Variants in RNLS observed in about 807,000 individuals in gnomAD.
The protein encoded by RNLS is renalase, FAD dependent amine oxidase.
RNLS carries 39 observed loss-of-function variants against 39.8 expected under a neutral mutation model. That is an observed-to-expected ratio of 0.98 (90% CI 0.76 to 1.28). The LOEUF (loss-of-function observed/expected upper bound fraction) is 1.28, where lower values mean the gene tolerates loss of function less well. Among genes scored for constraint, RNLS ranks in the 50% most tolerant of loss-of-function variants. RNLS has a pLI of 0.00. For missense variants in RNLS, 410 were observed against 413.3 expected (o/e 0.99, Z 0.07); for synonymous variants, 147 against 150.7 (o/e 0.98, Z 0.18).
At position 88,554,320 on chromosome 10, in the gene RNLS, T is replaced by G. The variant is rs187400839; in HGVS notation, c.526+18583A>C. ...TTACATGTATGCAGCGTAAATAGCA[T>G]TAACTAACTTTTTGATTCATTTATT... On this transcript the variant is annotated intron_variant, in intron 4 of 6. Transcript: ENST00000331772. 2.0e-5 allele frequency among the ~76,000 whole-genome samples: 3 copies of G among 152,282 alleles called. No homozygotes were observed. In the East Asian group the frequency reaches 5.8e-4, roughly 29 times the overall value.
chr10:88,394,900 G>A (rs1852454415), intron 4 of RNLS, among the ~76,000 whole-genome samples: 1 of 152,126 alleles, frequency 6.6e-6, no homozygotes, highest in African/African-American at 2.4e-5. Context: ...GTAGGGACAT[G>A]GATGAAACTG....
intron 6 of RNLS, among the ~76,000 whole-genome samples, chr10:88,293,540 T>C (rs1243573739): frequency 6.6e-6 from 1 of 152,208 alleles, no homozygotes; most frequent in Admixed American, 6.5e-5. Context: ...TATGTATAAA[T>C]CTGTTATGAG....
chr10:88,299,969 T>C (rs1213102636), intron 6 of RNLS, among the ~76,000 whole-genome samples: 1 of 152,222 alleles, frequency 6.6e-6, no homozygotes, highest in African/African-American at 2.4e-5. Context: ...TTAACTATGA[T>C]TATTTCTAGC....
At chr10:88,337,589 C>A (rs1193861378) in intron 5 of RNLS, among the ~76,000 whole-genome samples, 2 of 152,178 alleles carry the variant, frequency 1.3e-5, no homozygotes, top group Admixed American at 1.3e-4. Flanking sequence ...TCATACTTGG[C>A]ATTGAAATCC....
intron 4 of RNLS, among the ~76,000 whole-genome samples, chr10:88,407,037 G>C (rs1222188669): frequency 6.6e-6 from 1 of 152,010 alleles, no homozygotes; most frequent in East Asian, 1.9e-4. Flanking sequence ...ATGGACTTTG[G>C]GGACTTGGGG....
chr10:88,396,657 T>G (rs1407511290), intron 4 of RNLS, among the ~76,000 whole-genome samples: 1 of 150,244 alleles, frequency 6.7e-6, no homozygotes, highest in African/African-American at 2.4e-5. Context: ...TTACATTAAA[T>G]GTAAATTAAT....
Position 88,499,120 on chromosome 10 carries a change from G to A in RNLS, c.526+73783C>T, listed in dbSNP as rs561397305. ...TCCTTAGTCTTAGAAGATCAGTGCCGAAGTGATTAAAAGTGTTATGCACAT... is the reference window on the plus strand; with the variant it reads ...TCCTTAGTCTTAGAAGATCAGTGCCAAAGTGATTAAAAGTGTTATGCACAT... On this transcript the variant is annotated intron_variant, in intron 4 of 6. Coordinates refer to ENST00000331772, the MANE Select transcript of RNLS (RefSeq NM_001031709.3). Among the ~76,000 whole-genome samples the A allele has an allele frequency of 8.5e-5, 13 of 152,278 alleles. No individual in the cohort carries two copies. In the South Asian group the frequency reaches 2.3e-3, roughly 27 times the overall value.
the RNLS span, among the ~76,000 whole-genome samples, chr10:88,200,944 G>C: frequency 6.6e-6 from 1 of 151,852 alleles, no homozygotes; most frequent in African/African-American, 2.4e-5. Context: ...AAACAGCCAA[G>C]GACTTAGCAT....
At position 88,500,489 on chromosome 10, in the gene RNLS, T is replaced by C. The variant is rs746807566; in HGVS notation, c.526+72414A>G. On this transcript the variant is annotated intron_variant, in intron 4 of 6. Coordinates refer to ENST00000331772, the MANE Select transcript of RNLS (RefSeq NM_001031709.3). The stretch of plus-strand genomic sequence containing the variant: ...AACACGTGATGGGGTTGTGAACGTT[T>C]CTCTAATTGCCTGGATTTTTTAGTT... Among the ~76,000 whole-genome samples the C allele has an allele frequency of 2.2e-4, 33 of 152,158 alleles. 1 individual carries two copies. Among genetic ancestry groups the C allele is most frequent in the Non-Finnish European group, 7.4e-5 (5 of 68,006 alleles).
chr10:88,427,331 A>C (rs1438413496), intron 4 of RNLS, among the ~76,000 whole-genome samples: 1 of 152,006 alleles, frequency 6.6e-6, no homozygotes, highest in South Asian at 2.1e-4. Context: ...TATTTCTTTG[A>C]CAGGGTGGCT....
chr10:88,361,664 C>T (rs1238562102), intron 5 of RNLS, among the ~76,000 whole-genome samples: 1 of 152,122 alleles, frequency 6.6e-6, no homozygotes, highest in African/African-American at 2.4e-5. Context: ...AACCATACTC[C>T]AGCCCAGTTC....
At chr10:88,274,163 T>A (rs1405503632) in exon 7 of RNLS, 1 of 152,210 alleles carries the variant, frequency 6.6e-6, no homozygotes, top group Admixed American at 6.5e-5. Flanking sequence ...GTATAAGAAA[T>A]ATCAACTTCT....
the RNLS span, among the ~76,000 whole-genome samples, chr10:88,205,041 C>T: frequency 2.0e-5 from 3 of 152,096 alleles, no homozygotes; most frequent in Non-Finnish European, 4.4e-5. Context: ...CTTGCTCAAG[C>T]GCAGTTGAAT....
chr10:88,244,496 G>C, the RNLS span, among the ~76,000 whole-genome samples: 1 of 152,200 alleles, frequency 6.6e-6, no homozygotes, highest in African/African-American at 2.4e-5. Flanking sequence ...TTTCCTTCCA[G>C]CCATTGTTTT....
chr10:88,239,382 G>A, the RNLS span, among the ~76,000 whole-genome samples: 4 of 152,150 alleles, frequency 2.6e-5, no homozygotes, highest in Admixed American at 2.0e-4. Context: ...CCTCTGATTT[G>A]AGCTTGGTCA....
intron 4 of RNLS, among the ~76,000 whole-genome samples, chr10:88,492,303 AG>A (rs1844931714): frequency 6.6e-6 from 1 of 152,174 alleles, no homozygotes; most frequent in Non-Finnish European, 1.5e-5. Flanking sequence ...AAGAAACATC[AG>A]AAAAAGTCCA....
chr10:88,435,750 T>G (rs1457944722), intron 4 of RNLS, among the ~76,000 whole-genome samples: 1 of 152,058 alleles, frequency 6.6e-6, no homozygotes, highest in Non-Finnish European at 1.5e-5. Context: ...ATAGTTCTGC[T>G]GAGAGGATTA....
chr10:88,434,241 G>A (rs1041452671), intron 4 of RNLS, among the ~76,000 whole-genome samples: 2 of 152,120 alleles, frequency 1.3e-5, no homozygotes, highest in South Asian at 2.1e-4. Flanking sequence ...TAGTCATATC[G>A]AAAACAAGCC....
Position 88,314,498 on chromosome 10 carries a change from C to T in RNLS, c.844G>A (p.Ala282Thr), listed in dbSNP as rs978557060. The change falls in exon 6 of 7, where the codon GCT becomes ACT. Residue 282 changes from alanine (A) to threonine (T), a missense_variant. Ala to Thr is a moderately conservative substitution (Grantham distance 58). Coordinates refer to ENST00000331772, the MANE Select transcript of RNLS (RefSeq NM_001031709.3). ...NILPGLPQPIATKCQKWRHSQ... is the reference protein window; with the variant it reads ...NILPGLPQPITTKCQKWRHSQ... ...TGTCTCCATTTTTGGCATTTGGTAGCAATTGGCTGAGGCAAACCCGGCAAA... is the reference window on the plus strand; with the variant it reads ...TGTCTCCATTTTTGGCATTTGGTAGTAATTGGCTGAGGCAAACCCGGCAAA... 1.2e-6 allele frequency: 2 copies of T among 1,613,886 alleles called. No individual in the cohort carries two copies. Among genetic ancestry groups the T allele is most frequent in the Non-Finnish European group, 1.7e-6 (2 of 1,179,832 alleles).
Sources: allele counts gnomAD v4.1 joint callset (sites outside exome capture counted in the v4.1 genomes callset), GRCh38; gene constraint gnomAD v4.1.1; transcripts MANE v1.5; gene names NCBI Gene and HGNC (gene_info 2026-07-23, HGNC 2026-07-21).